The following DYNLL1 variants were observed in gnomAD, a reference collection of about 807,000 sequenced individuals.
DYNLL1 encodes the protein dynein light chain 1, cytoplasmic.
In DYNLL1, 3 loss-of-function variants were observed where a neutral mutation model predicts 10.1. That is an observed-to-expected ratio of 0.30 (90% CI 0.14 to 0.77). DYNLL1 has a LOEUF of 0.77. DYNLL1 is among the 30% of genes least tolerant of loss of function. The probability of loss-of-function intolerance (pLI) is 0.66; values close to 1 mark genes in which losing one functional copy is unlikely to be tolerated. For missense variants in DYNLL1, 47 were observed against 111.7 expected, an observed-to-expected ratio of 0.42 and a Z score of 2.61; for synonymous variants, 46 against 41.2, an observed-to-expected ratio of 1.12 and a Z score of -0.45.
chr12:120,475,173 T>C (rs1878727874), intron 1 of DYNLL1, among the ~76,000 whole-genome samples: 1 of 152,208 alleles, frequency 6.6e-6, no homozygotes, highest in Admixed American at 6.5e-5. Flanking sequence ...ATCTTTAACA[T>C]TATTTTTCAA....
At chr12:120,491,887 A>C (rs1437850955), upstream of DYNLL1, 1 of 152,204 alleles carries the variant, frequency 6.6e-6, no homozygotes, top group Non-Finnish European at 1.5e-5. Context: ...CCATCCATCC[A>C]ACACATATTT....
chr12:120,474,392 A>G (rs1223578003), intron 1 of DYNLL1, among the ~76,000 whole-genome samples: 1 of 151,810 alleles, frequency 6.6e-6, no homozygotes, highest in Non-Finnish European at 1.5e-5. Flanking sequence ...ACAGCAAGCC[A>G]TTTATTCTCC....
Position 120,496,118 on chromosome 12 carries a change from C to T in DYNLL1, c.-105C>T. 2.0e-6 allele frequency: 1 copy of T among 489,674 alleles called. No individual in the cohort carries two copies. Among genetic ancestry groups the T allele is most frequent in the Non-Finnish European group, 3.7e-6 (1 of 271,510 alleles). 30.3% of individuals were successfully genotyped at this position (489,674 alleles called of 1,614,324 possible). ...CGGCTGGCGTGGGGCTGCTTAGATG[C>T]GCCACGGTTTCGGTAGCGACGGTAT... On this transcript the variant is annotated 5_prime_UTR_variant, in exon 1 of 3. Transcript: ENST00000242577.
intron 1 of DYNLL1, among the ~76,000 whole-genome samples, chr12:120,470,364 G>A (rs1878618650): frequency 6.6e-6 from 1 of 152,142 alleles, no homozygotes; most frequent in Admixed American, 6.5e-5. Flanking sequence ...AGTCCTTATG[G>A]AGCTCAGGTA....
intron 1 of DYNLL1, among the ~76,000 whole-genome samples, chr12:120,479,272 G>A (rs1222077988): frequency 6.8e-6 from 1 of 147,396 alleles, no homozygotes; most frequent in African/African-American, 2.5e-5. Flanking sequence ...GACCAACATG[G>A]AGAAACCCCG....
chr12:120,483,254 C>T (rs1239043471), intron 1 of DYNLL1, among the ~76,000 whole-genome samples: 1 of 151,220 alleles, frequency 6.6e-6, no homozygotes, highest in East Asian at 1.9e-4. Flanking sequence ...AGGAGAATTG[C>T]TTGAACTTGG....
At chr12:120,482,294 A>G (rs1424782000) in intron 1 of DYNLL1, among the ~76,000 whole-genome samples, 1 of 151,662 alleles carries the variant, frequency 6.6e-6, no homozygotes, top group Admixed American at 6.6e-5. Flanking sequence ...CGGGCAACAT[A>G]GAAAGGCAAA....
chr12:120,470,474 T>C (rs575546772), intron 1 of DYNLL1, among the ~76,000 whole-genome samples: 176 of 152,106 alleles, frequency 1.2e-3, no homozygotes, highest in Non-Finnish European at 2.0e-3. Flanking sequence ...GAAGACTTTT[T>C]GTTTGTTTTT....
chr12:120,472,575 C>A (rs761380887), intron 1 of DYNLL1, among the ~76,000 whole-genome samples: 3 of 151,856 alleles, frequency 2.0e-5, no homozygotes, highest in Non-Finnish European at 4.4e-5. Flanking sequence ...TGATTGTTGC[C>A]TGGAAAGACA....
At chr12:120,493,388 T>C (rs1879182788), upstream of DYNLL1, among the ~76,000 whole-genome samples, 1 of 151,496 alleles carries the variant, frequency 6.6e-6, no homozygotes, top group Admixed American at 6.6e-5. Flanking sequence ...AATAGAAAAA[T>C]TAGCCGGGCA....
chr12:120,496,653 G>C, intron 2 of DYNLL1, 100 bp downstream of exon 2: 1 of 1,602,946 alleles, frequency 6.2e-7, no homozygotes, highest in Non-Finnish European at 8.5e-7. Flanking sequence ...CGGGAATACT[G>C]CTGGCGGCTT....
chr12:120,496,339 G>C, intron 1 of DYNLL1, 77 bp from the exon 2 acceptor site: 2 of 1,581,432 alleles, frequency 1.3e-6, no homozygotes, highest in East Asian at 2.3e-5. Context: ...CCGTGGTGGC[G>C]CCGGCCGGGG....
At chr12:120,482,602 G>A (rs942755677) in intron 1 of DYNLL1, among the ~76,000 whole-genome samples, 1 of 151,968 alleles carries the variant, frequency 6.6e-6, no homozygotes, top group Non-Finnish European at 1.5e-5. Context: ...GATTACAGGC[G>A]TGAGCCACCA....
chr12:120,483,352 A>G (rs908517511), intron 1 of DYNLL1, among the ~76,000 whole-genome samples: 1 of 151,438 alleles, frequency 6.6e-6, no homozygotes, highest in Non-Finnish European at 1.5e-5. Context: ...AAAAAAAAAA[A>G]GGTCAGAAGA....
chr12:120,493,343 G>T (rs899028163), upstream of DYNLL1, among the ~76,000 whole-genome samples: 1 of 151,786 alleles, frequency 6.6e-6, no homozygotes, highest in Non-Finnish European at 1.5e-5. Context: ...TTCAAGACCA[G>T]CCTGGCCAAC....
Position 120,496,136 on chromosome 12 carries a change from G to T in DYNLL1, c.-87G>T. ...TTAGATGCGCCACGGTTTCGGTAGC[G>T]ACGGTATCTCTAGCCGGGCCTGAGC... On this transcript the variant is annotated 5_prime_UTR_variant, in exon 1 of 3. Coordinates refer to ENST00000242577, the MANE Select transcript of DYNLL1 (RefSeq NM_003746.3). 1 of 520,106 alleles carries T rather than the reference G, an allele frequency of 1.9e-6. No individual in the cohort carries two copies. The highest frequency in any genetic ancestry group is 2.3e-5 in the South Asian group (1 of 43,680). 32.2% of individuals were successfully genotyped at this position (520,106 alleles called of 1,614,324 possible).
At chr12:120,494,713 C>T (rs1163147829), upstream of DYNLL1, among the ~76,000 whole-genome samples, 1 of 152,206 alleles carries the variant, frequency 6.6e-6, no homozygotes, top group Non-Finnish European at 1.5e-5. Flanking sequence ...GACTCGGCTT[C>T]TCAAAGTGCT....
intron 1 of DYNLL1, among the ~76,000 whole-genome samples, chr12:120,486,364 A>G (rs767505597): frequency 4.5e-4 from 68 of 152,228 alleles, no homozygotes; most frequent in Non-Finnish European, 7.4e-4. Flanking sequence ...TCCTAAGATG[A>G]TAAGTTTGGG....
At chr12:120,485,961 C>G (rs1237831031) in intron 1 of DYNLL1, among the ~76,000 whole-genome samples, 3 of 151,132 alleles carry the variant, frequency 2.0e-5, no homozygotes, top group African/African-American at 4.9e-5. Context: ...TATCTCTGTA[C>G]AGTTAACATT....
Sources: gnomAD v4.1 joint callset for allele counts (sites outside exome capture counted in the v4.1 genomes callset) on GRCh38, gnomAD v4.1.1 for gene constraint, MANE v1.5 for transcripts, NCBI Gene and HGNC (gene_info 2026-07-23, HGNC 2026-07-21) for gene names.